Variants in AP3B1 observed in about 807,000 individuals in gnomAD.
The protein encoded by AP3B1 is AP-3 complex subunit beta-1.
Under a neutral mutation model 132.5 loss-of-function variants are expected in AP3B1, and 61 were observed. That is an observed-to-expected ratio of 0.46 (90% CI 0.37 to 0.57). AP3B1 has a LOEUF of 0.57. Ranked by LOEUF, AP3B1 falls within the 20% of genes least tolerant of loss-of-function variation. The probability of loss-of-function intolerance (pLI) is 0.00; values close to 1 mark genes in which losing one functional copy is unlikely to be tolerated. For synonymous variants in AP3B1, 388 were observed against 438.3 expected, an observed-to-expected ratio of 0.89 and a Z score of 1.43; for missense variants, 1,120 against 1,289.4, an observed-to-expected ratio of 0.87 and a Z score of 2.01.
intron 17 of AP3B1, among the ~76,000 whole-genome samples, chr5:78,122,909 A>G (rs1045946828): frequency 6.6e-6 from 1 of 152,244 alleles, no homozygotes; most frequent in East Asian, 1.9e-4. Flanking sequence ...AGCCAAAAGA[A>G]CAAAGCTGGA....
Position 78,032,717 on chromosome 5 carries a change from G to A in AP3B1, c.2894+1644C>T, listed in dbSNP as rs183754098. On this transcript the variant is annotated intron_variant, in intron 24 of 26. Coordinates refer to ENST00000255194, the MANE Select transcript of AP3B1 (RefSeq NM_003664.5). ...CACAAAATTTTTGATCTAGCATGCT[G>A]TTGTGCTTAACAAAATCTAAAATAA... Among the ~76,000 whole-genome samples, 911 of 151,788 alleles carry A rather than the reference G, an allele frequency of 6.0e-3. 17 individuals carry two copies. The highest frequency in any genetic ancestry group is 0.04 in the Admixed American group (614 of 15,208).
At chr5:78,219,233 G>A (rs910939376) in intron 6 of AP3B1, among the ~76,000 whole-genome samples, 4 of 151,940 alleles carry the variant, frequency 2.6e-5, no homozygotes, top group African/African-American at 7.3e-5. Flanking sequence ...CAGAAAGTTC[G>A]ATGTTATCAA....
chr5:78,124,660 AT>A (rs1320802948), intron 17 of AP3B1, among the ~76,000 whole-genome samples: 1 of 152,214 alleles, frequency 6.6e-6, no homozygotes, highest in Non-Finnish European at 1.5e-5. Flanking sequence ...GCTTGAATAT[AT>A]TTGAATAAGA....
At chr5:78,055,858 T>C (rs1748791283) in intron 22 of AP3B1, among the ~76,000 whole-genome samples, 1 of 152,218 alleles carries the variant, frequency 6.6e-6, no homozygotes, top group African/African-American at 2.4e-5. Context: ...AAATATCAGT[T>C]ATTTAATAAA....
intron 15 of AP3B1, among the ~76,000 whole-genome samples, chr5:78,133,835 A>G (rs1166720898): frequency 1.3e-5 from 2 of 152,200 alleles, no homozygotes; most frequent in South Asian, 2.1e-4. Flanking sequence ...ATTGGTACCA[A>G]CTAATGGCTA....
At chr5:78,115,954 T>A in intron 18 of AP3B1, 172 bp downstream of exon 18, 1 of 663,194 alleles carries the variant, frequency 1.5e-6, no homozygotes, top group South Asian at 1.6e-5. Flanking sequence ...AATTTAGTAA[T>A]TAAAAATTAC....
At chr5:78,285,780 A>G (rs1187192105) in intron 1 of AP3B1, among the ~76,000 whole-genome samples, 2 of 152,158 alleles carry the variant, frequency 1.3e-5, no homozygotes, top group Non-Finnish European at 2.9e-5. Context: ...TTTCTCCCAC[A>G]CACATATCAC....
chr5:78,283,377 C>CT (rs1422104591), intron 1 of AP3B1, among the ~76,000 whole-genome samples: 2 of 152,186 alleles, frequency 1.3e-5, no homozygotes, highest in African/African-American at 4.8e-5. Context: ...AAGTTTCGCC[C>CT]TTTCCTTATA....
chr5:78,189,869 CAAATA>C (rs55792888), intron 7 of AP3B1, among the ~76,000 whole-genome samples: 13,799 of 102,040 alleles, frequency 0.14, 959 homozygotes, highest in African/African-American at 0.17. Context: ...GACTCCATCT[CAAATA>C]AAATAAAATA....
At chr5:78,203,623 G>A (rs896223453) in intron 7 of AP3B1, among the ~76,000 whole-genome samples, 1 of 152,132 alleles carries the variant, frequency 6.6e-6, no homozygotes, top group Non-Finnish European at 1.5e-5. Context: ...GTTGATTAGT[G>A]TGTCATCAAA....
chr5:78,078,506 A>G (rs1229803447), intron 22 of AP3B1, among the ~76,000 whole-genome samples: 1 of 152,238 alleles, frequency 6.6e-6, no homozygotes, highest in Non-Finnish European at 1.5e-5. Context: ...ATCTAGCTAC[A>G]GAATTTGGCA....
intron 26 of AP3B1, among the ~76,000 whole-genome samples, chr5:78,005,911 T>A (rs902692632): frequency 2.6e-5 from 4 of 152,158 alleles, no homozygotes; most frequent in Non-Finnish European, 1.5e-5. Flanking sequence ...AATAGCTAGC[T>A]TTGGGATGTC....
intron 22 of AP3B1, among the ~76,000 whole-genome samples, chr5:78,085,026 G>GTGC (rs1750178368): frequency 1.3e-5 from 2 of 150,482 alleles, no homozygotes; most frequent in Admixed American, 1.3e-4. Flanking sequence ...ATTTAGGTTT[G>GTGC]AACAACCATG....
At chr5:78,038,942 C>A in intron 23 of AP3B1, 101 bp downstream of exon 23, 1 of 724,694 alleles carries the variant, frequency 1.4e-6, no homozygotes, top group Non-Finnish European at 2.3e-6. Flanking sequence ...CAATCATATT[C>A]TACTTTACTA....
At chr5:78,140,315 C>G (rs1029654423) in intron 15 of AP3B1, among the ~76,000 whole-genome samples, 8 of 152,184 alleles carry the variant, frequency 5.3e-5, no homozygotes, top group Non-Finnish European at 1.2e-4. Context: ...CAAGCCACTC[C>G]ATGCGTTCAA....
intron 21 of AP3B1, among the ~76,000 whole-genome samples, chr5:78,095,934 A>G (rs1257199643): frequency 6.6e-6 from 1 of 152,228 alleles, no homozygotes; most frequent in East Asian, 1.9e-4. Flanking sequence ...GGTTGGGATC[A>G]AAGTTCCCTT....
At chr5:78,274,752 C>A (rs186363385) in intron 1 of AP3B1, among the ~76,000 whole-genome samples, 166 of 152,158 alleles carry the variant, frequency 1.1e-3, no homozygotes, top group Middle Eastern at 6.8e-3. Flanking sequence ...GAGGCCCAGT[C>A]TCTACAAAAA....
At chr5:78,076,474 T>C (rs1158391693) in intron 22 of AP3B1, among the ~76,000 whole-genome samples, 1 of 152,224 alleles carries the variant, frequency 6.6e-6, no homozygotes, top group Admixed American at 6.5e-5. Flanking sequence ...AGTGTCTTTG[T>C]TATTCATGGT....
At chr5:78,247,820 C>T (rs886820024) in intron 2 of AP3B1, among the ~76,000 whole-genome samples, 2 of 152,116 alleles carry the variant, frequency 1.3e-5, no homozygotes, top group African/African-American at 4.8e-5. Context: ...AGACCACTTA[C>T]ATGTAATAGA....
Sources: allele counts gnomAD v4.1 joint callset (sites outside exome capture counted in the v4.1 genomes callset), GRCh38; gene constraint gnomAD v4.1.1; transcripts MANE v1.5; gene names NCBI Gene and HGNC (gene_info 2026-07-23, HGNC 2026-07-21).